LIMD1: variants seen among roughly 807,000 people sequenced by gnomAD.
LIMD1 encodes LIM domain-containing protein 1.
LIMD1 carries 23 observed loss-of-function variants against 58.4 expected under a neutral mutation model. The observed-to-expected ratio is 0.39, with a 90% confidence interval of 0.28 to 0.56. LIMD1 has a LOEUF of 0.56. Ranked by LOEUF, LIMD1 falls within the 20% of genes least tolerant of loss-of-function variation. The probability of loss-of-function intolerance (pLI) is 0.57; values close to 1 mark genes in which losing one functional copy is unlikely to be tolerated. For missense variants in LIMD1, 838 were observed against 855.5 expected, an observed-to-expected ratio of 0.98 and a Z score of 0.25; for synonymous variants, 334 against 345.5, an observed-to-expected ratio of 0.97 and a Z score of 0.37.
At chr3:45,596,388 C>T (rs921290331) in intron 1 of LIMD1, 101 bp downstream of exon 1, 3 of 891,002 alleles carry the variant, frequency 3.4e-6, no homozygotes, top group African/African-American at 3.4e-5. Context: ...GTAGTTACCT[C>T]TCTTTGAGTG....
chr3:45,612,349 G>A (rs1437384749), intron 1 of LIMD1, among the ~76,000 whole-genome samples: 1 of 152,168 alleles, frequency 6.6e-6, no homozygotes, highest in African/African-American at 2.4e-5. Context: ...CTCCCAAAGT[G>A]CTAGGATAAC....
chr3:45,679,364 AGTT>A lies in LIMD1; in HGVS notation c.*2309_*2311del, dbSNP rs985366677. ...AGGCGCCAGATAGGAATCTCCAATC[AGTT>A]GTTTTTCTCTTCGCTTCAGGCCCTT... On this transcript the variant is annotated 3_prime_UTR_variant, in exon 8 of 8. Coordinates refer to ENST00000273317, the MANE Select transcript of LIMD1 (RefSeq NM_014240.3). 6.6e-6 allele frequency: 1 copy of A among 152,172 alleles called. No homozygotes were observed. The highest frequency in any genetic ancestry group is 1.5e-5 in the Non-Finnish European group (1 of 68,020). 9.4% of individuals were successfully genotyped at this position (152,172 alleles called of 1,614,324 possible). A position where few individuals can be genotyped will look rare whatever the true frequency, so the allele number is the denominator to read the frequency against.
rs1701319971 is a variant in LIMD1 at position 45,594,807 on chromosome 3, A to ACACACACACAC, written c.-72_-62dup. ...CACACACACACACACACACACACAC[A>ACACACACACAC]CACACACACACACACACACACACAC... On this transcript the variant is annotated 5_prime_UTR_variant, in exon 1 of 8. Transcript: ENST00000273317. The ACACACACACAC allele has an allele frequency of 2.9e-5, 18 of 623,028 alleles. No homozygotes were observed. The highest frequency in any genetic ancestry group is 4.3e-4 in the Middle Eastern group (1 of 2,340). 38.6% of individuals were successfully genotyped at this position (623,028 alleles called of 1,614,324 possible). A position where few individuals can be genotyped will look rare whatever the true frequency, so the allele number is the denominator to read the frequency against.
Position 45,595,468 on chromosome 3 carries a change from T to TC in LIMD1, c.594dup (p.Ser199GlnfsTer12), listed in dbSNP as rs1303823441. 2 of 1,613,722 alleles carry TC rather than the reference T, an allele frequency of 1.2e-6. No homozygotes were observed. Among genetic ancestry groups the TC allele is most frequent in the Non-Finnish European group, 1.7e-6 (2 of 1,179,836 alleles). On this transcript the variant is annotated frameshift_variant, in exon 1 of 8. Coordinates refer to ENST00000273317, the MANE Select transcript of LIMD1 (RefSeq NM_014240.3). LOFTEE classifies it high-confidence loss of function. ...AAAGTGGGGTGACAAACCAGGAGTG[T>TC]CCCCCAGCATCGGCCTGAGTGTAGG...
At chr3:45,648,460 T>G (rs1701929545) in intron 2 of LIMD1, among the ~76,000 whole-genome samples, 1 of 152,258 alleles carries the variant, frequency 6.6e-6, no homozygotes, top group Admixed American at 6.5e-5. Flanking sequence ...CTTGTATAGA[T>G]GTACCATATT....
chr3:45,604,445 T>C (rs1228093284), intron 1 of LIMD1, among the ~76,000 whole-genome samples: 2 of 152,196 alleles, frequency 1.3e-5, no homozygotes, highest in Non-Finnish European at 2.9e-5. Context: ...ATCTTTTTGC[T>C]CAATCAGCAG....
intron 1 of LIMD1, among the ~76,000 whole-genome samples, chr3:45,603,587 A>C (rs552609509): frequency 6.6e-6 from 1 of 152,310 alleles, no homozygotes; most frequent in African/African-American, 2.4e-5. Flanking sequence ...GTGACATTCA[A>C]GACTCCAATC....
At chr3:45,638,278 A>C (rs1701809277) in intron 2 of LIMD1, among the ~76,000 whole-genome samples, 1 of 142,740 alleles carries the variant, frequency 7.0e-6, no homozygotes, top group East Asian at 1.9e-4. Context: ...GCCCCCCTTT[A>C]TTTATTTATT....
intron 2 of LIMD1, among the ~76,000 whole-genome samples, chr3:45,662,797 G>C (rs1697460875): frequency 6.6e-6 from 1 of 152,110 alleles, no homozygotes; most frequent in Non-Finnish European, 1.5e-5. Context: ...AGGAGTTCGA[G>C]ACCAGCCTGG....
chr3:45,636,015 A>C (rs1559519668), intron 1 of LIMD1, 135 bp from the exon 2 acceptor site: 1 of 1,532,958 alleles, frequency 6.5e-7, no homozygotes. Context: ...AGACACTTCA[A>C]ATGAGTCATC....
chr3:45,613,539 T>G (rs1013774653), intron 1 of LIMD1, among the ~76,000 whole-genome samples: 1 of 151,968 alleles, frequency 6.6e-6, no homozygotes, highest in Non-Finnish European at 1.5e-5. Flanking sequence ...TTACATTGTA[T>G]GGATACACCA....
chr3:45,621,636 C>T (rs1303513363), intron 1 of LIMD1, among the ~76,000 whole-genome samples: 1 of 152,150 alleles, frequency 6.6e-6, no homozygotes, highest in Non-Finnish European at 1.5e-5. Flanking sequence ...TTTACCTCTG[C>T]ATTGGTTATT....
At position 45,595,701 on chromosome 3, in the gene LIMD1, C is replaced by T. The variant is rs750283667; in HGVS notation, c.822C>T (p.Gly274=). 1 of 1,614,062 alleles carries T rather than the reference C, an allele frequency of 6.2e-7. No individual in the cohort carries two copies. The highest frequency in any genetic ancestry group is 8.5e-7 in the Non-Finnish European group (1 of 1,180,044). The part of the protein sequence containing the change: ...STASSQRVSP[G]LPSPNLENGA... ...CCTCCTCCCAGCGGGTGAGCCCTGG[C>T]CTGCCTTCCCCAAACTTGGAGAACG... Residue 274 remains glycine, a synonymous_variant, in exon 1 of 8, where the codon GGC becomes GGT. Transcript: ENST00000273317.
At chr3:45,644,268 T>A (rs896272948) in intron 2 of LIMD1, among the ~76,000 whole-genome samples, 1 of 152,222 alleles carries the variant, frequency 6.6e-6, no homozygotes, top group African/African-American at 2.4e-5. Flanking sequence ...TGCCAGCTAT[T>A]TTGTTTTTCT....
Position 45,683,895 on chromosome 3 carries a change from TAGTC to T in LIMD1, c.*6839_*6842del, listed in dbSNP as rs1381097675. 14 of 152,350 alleles carry T rather than the reference TAGTC, an allele frequency of 9.2e-5. No homozygotes were observed. The highest frequency in any genetic ancestry group is 2.0e-4 in the Admixed American group (3 of 15,308). 9.4% of individuals were successfully genotyped at this position (152,350 alleles called of 1,614,324 possible). A position where few individuals can be genotyped will look rare whatever the true frequency, so the allele number is the denominator to read the frequency against. On this transcript the variant is annotated 3_prime_UTR_variant, in exon 8 of 8. Coordinates refer to ENST00000273317, the MANE Select transcript of LIMD1 (RefSeq NM_014240.3). ...CCTCCACCGGTAACAGGAGGAGCAT[TAGTC>T]AGCCTACCACAGACTCCAACGAACG... is the stretch of plus-strand genomic sequence containing the variant.
intron 1 of LIMD1, among the ~76,000 whole-genome samples, chr3:45,620,523 C>A (rs963484221): frequency 3.9e-5 from 6 of 152,158 alleles, no homozygotes; most frequent in Admixed American, 2.6e-4. Flanking sequence ...CATGGTGGCT[C>A]ATGCTTGTAA....
At chr3:45,596,666 C>T (rs3733112) in intron 1 of LIMD1, among the ~76,000 whole-genome samples, 6,159 of 151,930 alleles carry the variant, frequency 0.041, 164 homozygotes, top group East Asian at 0.14. Flanking sequence ...TTCTCAGGGG[C>T]AGCTACCCCT....
chr3:45,608,391 G>C (rs967379342), intron 1 of LIMD1, among the ~76,000 whole-genome samples: 1 of 152,128 alleles, frequency 6.6e-6, no homozygotes, highest in African/African-American at 2.4e-5. Flanking sequence ...CGGGGGCATC[G>C]CAGGCATGTA....
At chr3:45,652,248 A>C (rs1380943053) in intron 2 of LIMD1, among the ~76,000 whole-genome samples, 1 of 152,184 alleles carries the variant, frequency 6.6e-6, no homozygotes, top group Non-Finnish European at 1.5e-5. Context: ...TGTTTATCTC[A>C]GACATTTTGG....
Sources: allele counts gnomAD v4.1 joint callset (sites outside exome capture counted in the v4.1 genomes callset), GRCh38; gene constraint gnomAD v4.1.1; transcripts MANE v1.5; gene names NCBI Gene and HGNC (gene_info 2026-07-23, HGNC 2026-07-21).